The following NDUFAF6 variants were observed in gnomAD, a reference collection of about 807,000 sequenced individuals.
NDUFAF6 encodes NADH dehydrogenase (ubiquinone) complex I, assembly factor 6.
NDUFAF6 carries 45 observed loss-of-function variants against 40.8 expected under a neutral mutation model. The observed-to-expected ratio is 1.10, with a 90% confidence interval of 0.87 to 1.42. The LOEUF (loss-of-function observed/expected upper bound fraction) is 1.42. Ranked by LOEUF, NDUFAF6 falls within the 40% of genes most tolerant of loss-of-function variation. The pLI is 0.00. For synonymous variants in NDUFAF6, 185 were observed against 155.9 expected (o/e 1.19, Z -1.39); for missense variants, 435 against 418.5 (o/e 1.04, Z -0.34).
upstream of NDUFAF6, among the ~76,000 whole-genome samples, chr8:94,956,134 A>T (rs112519572): frequency 0.014 from 2,095 of 152,034 alleles, 32 homozygotes; most frequent in African/African-American, 0.047. Flanking sequence ...TAAAATGGGG[A>T]TGATTAGAAT....
intron 4 of NDUFAF6, among the ~76,000 whole-genome samples, chr8:95,114,678 A>T (rs1049290268): frequency 7.2e-5 from 11 of 152,008 alleles, no homozygotes; most frequent in Non-Finnish European, 1.3e-4. Flanking sequence ...TCTTTCATTC[A>T]CCCGGTATAT....
At chr8:95,093,817 T>C (rs1809349213) in intron 2 of NDUFAF6, among the ~76,000 whole-genome samples, 1 of 152,224 alleles carries the variant, frequency 6.6e-6, no homozygotes, top group Non-Finnish European at 1.5e-5. Context: ...ACATATTAAG[T>C]ATTCAGTTAA....
intron 2 of NDUFAF6, among the ~76,000 whole-genome samples, chr8:95,007,230 T>A (rs1348883501): frequency 6.6e-6 from 1 of 151,680 alleles, no homozygotes; most frequent in Non-Finnish European, 1.5e-5. Flanking sequence ...TAACATTTTT[T>A]AAAATGATAA....
At chr8:95,012,159 T>A (rs62523112) in intron 2 of NDUFAF6, among the ~76,000 whole-genome samples, 6,464 of 152,296 alleles carry the variant, frequency 0.042, 178 homozygotes, top group Non-Finnish European at 0.055. Flanking sequence ...TTGTTTTTAT[T>A]TTAATTTGCA....
intron 1 of NDUFAF6, among the ~76,000 whole-genome samples, chr8:94,912,972 C>T (rs947457525): frequency 6.6e-6 from 1 of 152,146 alleles, no homozygotes; most frequent in African/African-American, 2.4e-5. Flanking sequence ...AGCGAGACTC[C>T]ATCTCAATCA....
chr8:94,976,501 CAAAAAAAAAA>C (rs35323204), intron 1 of NDUFAF6, among the ~76,000 whole-genome samples: 1 of 91,954 alleles, frequency 1.1e-5, no homozygotes, highest in African/African-American at 4.7e-5. Flanking sequence ...CACTCCATCT[CAAAAAAAAAA>C]AAAAAAAAAA....
chr8:95,054,312 A>G (rs1002854711), intron 8 of NDUFAF6, among the ~76,000 whole-genome samples: 5 of 152,002 alleles, frequency 3.3e-5, no homozygotes, highest in Non-Finnish European at 7.4e-5. Flanking sequence ...AATGGTTCCC[A>G]AAATGTTCCT....
At chr8:94,925,864 CAT>C (rs1258317238) in intron 1 of NDUFAF6, 1 of 150,736 alleles carries the variant, frequency 6.6e-6, no homozygotes, top group African/African-American at 2.4e-5. Flanking sequence ...CTTTTAAAAA[CAT>C]ATATAAAATG....
chr8:95,094,121 C>A (rs1157744495), intron 2 of NDUFAF6, among the ~76,000 whole-genome samples: 1 of 152,120 alleles, frequency 6.6e-6, no homozygotes, highest in Non-Finnish European at 1.5e-5. Flanking sequence ...CAGGCATGCA[C>A]CACCACGCTT....
chr8:94,933,111 G>A (rs1044469756), intron 1 of NDUFAF6, among the ~76,000 whole-genome samples: 2 of 152,014 alleles, frequency 1.3e-5, no homozygotes, highest in Non-Finnish European at 2.9e-5. Flanking sequence ...CCAGTTAATC[G>A]GCAGGATAAG....
Position 95,035,469 on chromosome 8 carries a change from TCTGAGAAAACAATTGGA to T in NDUFAF6, c.318_334del (p.Glu106AspfsTer16). ...CTGTTTATAGGTTAAAGACTCAGTC[TCTGAGAAAACAATTGGA>T]CTGATGCGAATGCAGTTTTGGAAAA... is the stretch of plus-strand genomic sequence containing the variant. On this transcript the variant is annotated frameshift_variant, in exon 3 of 9. Coordinates refer to ENST00000396124, the MANE Select transcript of NDUFAF6 (RefSeq NM_152416.4). LOFTEE classifies it high-confidence loss of function. 6.2e-7 allele frequency: 1 copy of T among 1,613,738 alleles called. No homozygotes were observed. Among genetic ancestry groups the T allele is most frequent in the Non-Finnish European group, 8.5e-7 (1 of 1,179,862 alleles).
intron 2 of NDUFAF6, among the ~76,000 whole-genome samples, chr8:95,009,369 C>CT (rs58204534): frequency 1.3e-5 from 2 of 152,212 alleles, no homozygotes; most frequent in Non-Finnish European, 1.5e-5. Context: ...TTGAAAATAC[C>CT]GTTTCAACTG....
chr8:95,045,102 T>A (rs1332769818), intron 4 of NDUFAF6, among the ~76,000 whole-genome samples: 1 of 152,210 alleles, frequency 6.6e-6, no homozygotes, highest in Non-Finnish European at 1.5e-5. Context: ...TGTGTGTCTT[T>A]GGACATGTTA....
rs1563810890 is a variant in NDUFAF6 at position 95,035,474 on chromosome 8, GA to G, written c.322del (p.Thr108GlnfsTer4). 1 of 1,613,054 alleles carries G rather than the reference GA, an allele frequency of 6.2e-7. No homozygotes were observed. The stretch of plus-strand genomic sequence containing the variant: ...TATAGGTTAAAGACTCAGTCTCTGA[GA>G]AAACAATTGGACTGATGCGAATGCA... The part of the protein sequence containing the change: ...LAQVKDSVSE[K>X]TIGLMRMQFW... On this transcript the variant is annotated frameshift_variant, in exon 3 of 9. Transcript: ENST00000396124. LOFTEE classifies it high-confidence loss of function.
chr8:95,030,214 ATTAT>A (rs763490509), intron 1 of NDUFAF6, among the ~76,000 whole-genome samples: 1 of 150,584 alleles, frequency 6.6e-6, no homozygotes, highest in Admixed American at 6.6e-5. Context: ...AATTGTTACT[ATTAT>A]TTATTTATTT....
upstream of NDUFAF6, among the ~76,000 whole-genome samples, chr8:95,096,481 T>C (rs1377753340): frequency 6.6e-6 from 1 of 151,732 alleles, no homozygotes; most frequent in East Asian, 1.9e-4. Context: ...TGAAAAGGAG[T>C]CCTTAGTTAA....
rs201602381 is a variant in NDUFAF6 at position 95,054,654 on chromosome 8, C to G, written c.873+2424C>G. On this transcript the variant is annotated intron_variant, in intron 8 of 8. Coordinates refer to ENST00000396124, the MANE Select transcript of NDUFAF6 (RefSeq NM_152416.4). ...TTCCCCATGTTGGCCAGGCTGGTCT[C>G]GAATGCCTGACTTCAGGTGATCCAC... Among the ~76,000 whole-genome samples the G allele has an allele frequency of 1.2e-4, 18 of 151,840 alleles. No homozygotes were observed. The East Asian group carries it at 2.2e-3, about 18-fold the overall frequency.
At chr8:94,898,841 A>T (rs1817831651) in intron 1 of NDUFAF6, among the ~76,000 whole-genome samples, 1 of 152,238 alleles carries the variant, frequency 6.6e-6, no homozygotes, top group African/African-American at 2.4e-5. Flanking sequence ...TTTGAATTAT[A>T]ATTCAATAAT....
chr8:94,971,360 A>C (rs1427897884), intron 1 of NDUFAF6, among the ~76,000 whole-genome samples: 1 of 152,198 alleles, frequency 6.6e-6, no homozygotes, highest in Non-Finnish European at 1.5e-5. Context: ...CTCCCAAACA[A>C]TATTGTTGCC....
Sources: gnomAD v4.1 joint callset for allele counts (sites outside exome capture counted in the v4.1 genomes callset) on GRCh38, gnomAD v4.1.1 for gene constraint, MANE v1.5 for transcripts, NCBI Gene and HGNC (gene_info 2026-07-23, HGNC 2026-07-21) for gene names.